Variants in MIGA2 observed in about 807,000 individuals in gnomAD.
The protein encoded by MIGA2 is mitoguardin 2, also known as family with sequence similarity 73, member B.
MIGA2 carries 36 observed loss-of-function variants against 69.9 expected under a neutral mutation model. The ratio of observed to expected loss-of-function variants is 0.52; its 90% CI spans 0.39 to 0.68. MIGA2 has a LOEUF of 0.68. Among genes scored for constraint, MIGA2 ranks in the 30% least tolerant of loss-of-function variants. The probability of loss-of-function intolerance (pLI) is 0.00; values close to 1 mark genes in which losing one functional copy is unlikely to be tolerated. For missense variants in MIGA2, 660 were observed against 787.7 expected (o/e 0.84, Z 1.94); for synonymous variants, 333 against 349.2 (o/e 0.95, Z 0.52).
At chr9:129,056,089 T>C (rs1024227115) in intron 6 of MIGA2, among the ~76,000 whole-genome samples, 1 of 146,004 alleles carries the variant, frequency 6.8e-6, no homozygotes, top group Non-Finnish European at 1.5e-5. Context: ...ATCTCATCAC[T>C]GCACTGTAGC....
intron 9 of MIGA2, among the ~76,000 whole-genome samples, chr9:129,062,368 C>T (rs752725837): frequency 4.8e-4 from 72 of 150,966 alleles, no homozygotes; most frequent in Non-Finnish European, 9.4e-4. Context: ...CCCATCTCTA[C>T]TAAAAATATA....
chr9:129,037,004 A>C (rs1844625771), intron 1 of MIGA2: 1 of 1,002,874 alleles, frequency 1.0e-6, no homozygotes, highest in African/African-American at 1.7e-5. Flanking sequence ...GAGCGGCGCC[A>C]GAGGGTACCT....
intron 3 of MIGA2, among the ~76,000 whole-genome samples, chr9:129,043,574 A>ACGGGATTT (rs1331291717): frequency 6.6e-6 from 1 of 151,282 alleles, no homozygotes; most frequent in Non-Finnish European, 1.5e-5. Flanking sequence ...TTTAGTAGAG[A>ACGGGATTT]CGGGATTTCG....
intron 6 of MIGA2, among the ~76,000 whole-genome samples, chr9:129,058,793 TG>T (rs1312133499): frequency 1.3e-5 from 2 of 152,188 alleles, no homozygotes; most frequent in Non-Finnish European, 2.9e-5. Context: ...CCACTGTGCC[TG>T]GCAACCTAAG....
intron 3 of MIGA2, among the ~76,000 whole-genome samples, chr9:129,047,472 GCA>G (rs1845288171): frequency 6.6e-6 from 1 of 151,690 alleles, no homozygotes; most frequent in Non-Finnish European, 1.5e-5. Context: ...GAGTGCAGTG[GCA>G]CAGTCTTGGC....
intron 6 of MIGA2, among the ~76,000 whole-genome samples, chr9:129,058,283 G>A (rs575475610): frequency 1.3e-5 from 2 of 151,598 alleles, no homozygotes; most frequent in African/African-American, 4.9e-5. Flanking sequence ...TGCCTGTAGT[G>A]TCCTAGCTAC....
chr9:129,068,985 G>T lies in MIGA2; in HGVS notation c.1405-91G>T. On this transcript the variant is annotated intron_variant, in intron 13 of 15. Coordinates refer to ENST00000684074, the MANE Select transcript of MIGA2 (RefSeq NM_001329990.2). The surrounding 1 kb of genome is among the most constrained non-coding windows in gnomAD (Gnocchi z 4.1). ...TCCTGCTTGGAGTGGGGTGAGCTGG[G>T]TTTAAGGGCTTGGTGCTGGGCTGGC... The T allele has an allele frequency of 9.4e-6, 14 of 1,496,728 alleles. No homozygotes were observed. In the South Asian group the frequency reaches 1.5e-4, roughly 16 times the overall value. The allele number at this position is 1,496,728 out of a possible 1,614,324, so 92.7% of individuals were successfully genotyped here. A position where few individuals can be genotyped will look rare whatever the true frequency, so the allele number is the denominator to read the frequency against.
In MIGA2 at chr9:129,057,233, C is replaced by T. The variant is rs775220903; in HGVS notation, c.676-1921C>T. ...AAACCTATTCAGGCAGATATCCTTT[C>T]TCCTCAATGATTTTCTTTTTTAAAA... On this transcript the variant is annotated intron_variant, in intron 6 of 15. Coordinates refer to ENST00000684074, the MANE Select transcript of MIGA2 (RefSeq NM_001329990.2). Among the ~76,000 whole-genome samples the T allele has an allele frequency of 2.8e-4, 43 of 152,028 alleles. 1 individual carries two copies. The highest frequency in any genetic ancestry group is 8.8e-5 in the Non-Finnish European group (6 of 68,012).
chr9:129,069,550 C>A lies in MIGA2; in HGVS notation c.1459-299C>A. On this transcript the variant is annotated intron_variant, in intron 14 of 15. Coordinates refer to ENST00000684074, the MANE Select transcript of MIGA2 (RefSeq NM_001329990.2). This position sits in a 1 kb window ranked among gnomAD's most constrained non-coding sequence, Gnocchi z 4.9. ...ATCTGGCCTGTGGTTTGTCGTTCCCCTCTGCGGGCCAGGCTCTGTTGCCTA... is the reference window on the plus strand; with the variant it reads ...ATCTGGCCTGTGGTTTGTCGTTCCCATCTGCGGGCCAGGCTCTGTTGCCTA... The A allele has an allele frequency of 1.9e-6, 1 of 527,806 alleles. No homozygotes were observed. The highest frequency in any genetic ancestry group is 3.4e-6 in the Non-Finnish European group (1 of 291,150). 32.7% of individuals were successfully genotyped at this position (527,806 alleles called of 1,614,324 possible).
chr9:129,061,251 T>C lies in MIGA2; in HGVS notation c.915T>C (p.Thr305=), dbSNP rs781188681. 6.2e-7 allele frequency: 1 copy of C among 1,611,274 alleles called. No homozygotes were observed. The change falls in exon 9 of 16, where the codon ACT becomes ACC. Residue 305 remains threonine, a synonymous_variant. Coordinates refer to ENST00000684074, the MANE Select transcript of MIGA2 (RefSeq NM_001329990.2). The surrounding 1 kb of genome is among the most constrained non-coding windows in gnomAD (Gnocchi z 5.0). Reference sequence around the variant, plus strand: ...CCCAGCTCTTTGAGTCCCTGCAGACTGGAGATTACCCGATCCCACTCTCCA... The same window carrying C: ...CCCAGCTCTTTGAGTCCCTGCAGACCGGAGATTACCCGATCCCACTCTCCA... The part of the protein sequence containing the change: ...SATELFESLQ[T]GDYPIPLSRP...
At chr9:129,045,180 G>T (rs1018601941) in intron 3 of MIGA2, among the ~76,000 whole-genome samples, 1 of 146,154 alleles carries the variant, frequency 6.8e-6, no homozygotes, top group Non-Finnish European at 1.5e-5. Context: ...AGCAAAAGTA[G>T]CCTGTGATTT....
At chr9:129,051,604 A>AC (rs1564608739) in intron 6 of MIGA2, among the ~76,000 whole-genome samples, 1 of 140,082 alleles carries the variant, frequency 7.1e-6, no homozygotes, top group African/African-American at 2.7e-5. Context: ...TTATTTTATT[A>AC]TTTTTTTTTA....
At chr9:129,053,385 CGGA>C (rs1845645602) in intron 6 of MIGA2, among the ~76,000 whole-genome samples, 1 of 150,144 alleles carries the variant, frequency 6.7e-6, no homozygotes, top group South Asian at 2.1e-4. Context: ...TTTTTTGAGA[CGGA>C]GTTTCGCTTT....
In MIGA2 at chr9:129,048,669, C is replaced by T. The variant is rs140153356; in HGVS notation, c.420+130C>T. 4,574 of 710,158 alleles carry T rather than the reference C, an allele frequency of 6.4e-3. 110 individuals are homozygous for T. The highest frequency in any genetic ancestry group is 0.053 in the African/African-American group (3,010 of 56,572). 44.0% of individuals were successfully genotyped at this position (710,158 alleles called of 1,614,324 possible). A position where few individuals can be genotyped will look rare whatever the true frequency, so the allele number is the denominator to read the frequency against. On this transcript the variant is annotated intron_variant, in intron 4 of 15. Transcript: ENST00000684074. ...TCTCTCTCTCACTCCTCCACCCACG[C>T]GGGCTTTCAGGGATTGTCCCTAATC...
chr9:129,056,082 T>C (rs1415060157), intron 6 of MIGA2, among the ~76,000 whole-genome samples: 1 of 145,378 alleles, frequency 6.9e-6, no homozygotes. Flanking sequence ...GCCCATGATC[T>C]CATCACTGCA....
At chr9:129,063,109 G>A in intron 9 of MIGA2, 135 bp from the exon 10 acceptor site, 2 of 820,498 alleles carry the variant, frequency 2.4e-6, no homozygotes, top group Non-Finnish European at 3.9e-6. Flanking sequence ...GCCAGCCAGA[G>A]GCCACACTGC....
Position 129,059,244 on chromosome 9 carries a change from C to T in MIGA2, c.766C>T (p.Pro256Ser), listed in dbSNP as rs756805535. ...HLQEEFGSTF[P>S]ADSMLLDLER... ...GCAGGAGGAGTTCGGCTCCACCTTCCCCGCAGACAGCATGCTGCTAGACCT... is the reference window on the plus strand; with the variant it reads ...GCAGGAGGAGTTCGGCTCCACCTTCTCCGCAGACAGCATGCTGCTAGACCT... The change falls in exon 7 of 16, where the codon CCC becomes TCC. Residue 256 changes from proline (P) to serine (S), a missense_variant. Coordinates refer to ENST00000684074, the MANE Select transcript of MIGA2 (RefSeq NM_001329990.2). This position sits in a 1 kb window ranked among gnomAD's most constrained non-coding sequence, Gnocchi z 5.6. 2 of 1,591,512 alleles carry T rather than the reference C, an allele frequency of 1.3e-6. No homozygotes were observed. Among genetic ancestry groups the T allele is most frequent in the South Asian group, 1.1e-5 (1 of 88,180 alleles).
chr9:129,056,296 T>C lies in MIGA2; in HGVS notation c.676-2858T>C, dbSNP rs572750106. Among the ~76,000 whole-genome samples the C allele has an allele frequency of 2.7e-5, 4 of 150,588 alleles. No homozygotes were observed. In the East Asian group the frequency reaches 7.9e-4, roughly 30 times the overall value. On this transcript the variant is annotated intron_variant, in intron 6 of 15. Transcript: ENST00000684074. The stretch of plus-strand genomic sequence containing the variant: ...TGCTCTAGAGCCACAGACACCTGTA[T>C]TCAGTTTGTGGCACCACTAGTTCTA...
chr9:129,039,910 A>G (rs1844807780), intron 1 of MIGA2: 1 of 152,142 alleles, frequency 6.6e-6, no homozygotes, highest in African/African-American at 2.4e-5. Flanking sequence ...CACCCAGCTG[A>G]TTTTTGTGTT....
Sources: allele counts gnomAD v4.1 joint callset (sites outside exome capture counted in the v4.1 genomes callset), GRCh38; gene constraint gnomAD v4.1.1; non-coding constraint Gnocchi (gnomAD v3.1); transcripts MANE v1.5; gene names NCBI Gene and HGNC (gene_info 2026-07-23, HGNC 2026-07-21).